The following CSMD3 variants were observed in gnomAD, a reference collection of about 807,000 sequenced individuals.
CSMD3 encodes the protein CUB and Sushi multiple domains 3, also known as CUB and sushi domain-containing protein 3.
In CSMD3, 177 loss-of-function variants were observed where a neutral mutation model predicts 435.2. The observed-to-expected ratio is 0.41, with a 90% CI of 0.36 to 0.46. The LOEUF (loss-of-function observed/expected upper bound fraction) is 0.46, where lower values mean the gene tolerates loss of function less well. Ranked by LOEUF, CSMD3 falls within the 20% of genes least tolerant of loss-of-function variation. CSMD3 has a pLI of 0.34. For synonymous variants in CSMD3, 1,656 were observed against 1,520.5 expected, an observed-to-expected ratio of 1.09 and a Z score of -2.07; for missense variants, 4,265 against 4,504.6, an observed-to-expected ratio of 0.95 and a Z score of 1.52.
intron 1 of CSMD3, among the ~76,000 whole-genome samples, chr8:113,427,486 TAA>T (rs56128600): frequency 1.2e-4 from 15 of 128,936 alleles, no homozygotes; most frequent in Admixed American, 1.6e-4. Flanking sequence ...CAATTATGTC[TAA>T]AAAAAAAAAA....
At chr8:113,203,849 T>C (rs1588269336) in intron 3 of CSMD3, among the ~76,000 whole-genome samples, 1 of 152,164 alleles carries the variant, frequency 6.6e-6, no homozygotes, top group Non-Finnish European at 1.5e-5. Flanking sequence ...AGTTTCACTC[T>C]TTAACAATGT....
chr8:113,027,512 T>G (rs1442784412), intron 5 of CSMD3, among the ~76,000 whole-genome samples: 1 of 152,136 alleles, frequency 6.6e-6, no homozygotes, highest in African/African-American at 2.4e-5. Context: ...GGTGTTTCCT[T>G]GTCATAGATG....
intron 36 of CSMD3, among the ~76,000 whole-genome samples, chr8:112,389,667 G>T (rs1830253688): frequency 6.6e-6 from 1 of 152,064 alleles, no homozygotes; most frequent in Non-Finnish European, 1.5e-5. Context: ...CATTATTAAT[G>T]CATGGCATCT....
chr8:113,153,778 T>A (rs766435508), intron 4 of CSMD3, among the ~76,000 whole-genome samples: 6 of 152,044 alleles, frequency 3.9e-5, no homozygotes, highest in Non-Finnish European at 7.4e-5. Flanking sequence ...TCAAAGCTAT[T>A]CTCTTTTGAC....
chr8:112,270,363 T>TGTGTGTGTGTGTGTGTTAGGGGTGA lies in CSMD3; in HGVS notation c.9509-4774_9509-4773insTCACCCCTAACACACACACACACAC, dbSNP rs1554623022. On this transcript the variant is annotated intron_variant, in intron 59 of 70. Transcript: ENST00000297405. ...GGGTGAGTGTGTGTGTGTGTGTGTG[T>TGTGTGTGTGTGTGTGTTAGGGGTGA]GTGTGTGTGTGTGTGTGTGTGTGTG... is the stretch of plus-strand genomic sequence containing the variant. Among the ~76,000 whole-genome samples, 375 of 139,632 alleles carry TGTGTGTGTGTGTGTGTTAGGGGTGA rather than the reference T, an allele frequency of 2.7e-3. 5 individuals are homozygous for TGTGTGTGTGTGTGTGTTAGGGGTGA. The highest frequency in any genetic ancestry group is 0.018 in the South Asian group (86 of 4,664). The allele number at this position is 139,632 out of a possible 152,430, so 91.6% of individuals were successfully genotyped here.
At chr8:112,932,177 G>C (rs925252676) in intron 9 of CSMD3, among the ~76,000 whole-genome samples, 1 of 152,184 alleles carries the variant, frequency 6.6e-6, no homozygotes, top group Admixed American at 6.5e-5. Flanking sequence ...CAATAGCTGA[G>C]ATATGAAATC....
intron 24 of CSMD3, among the ~76,000 whole-genome samples, chr8:112,567,738 T>C (rs1354614928): frequency 6.6e-6 from 1 of 152,120 alleles, no homozygotes; most frequent in African/African-American, 2.4e-5. Context: ...AATTCTGCTA[T>C]AGGATTATGG....
intron 35 of CSMD3, among the ~76,000 whole-genome samples, chr8:112,401,950 C>G (rs531439616): frequency 1.3e-5 from 2 of 152,254 alleles, no homozygotes; most frequent in East Asian, 3.9e-4. Flanking sequence ...TCAATAGTAT[C>G]AAACACTTGA....
chr8:113,434,877 T>C (rs1246475626), intron 1 of CSMD3, among the ~76,000 whole-genome samples: 1 of 152,028 alleles, frequency 6.6e-6, no homozygotes. Flanking sequence ...GAGACTTCCC[T>C]CCCCCTCATC....
At chr8:112,502,086 C>G (rs1822024356) in intron 30 of CSMD3, among the ~76,000 whole-genome samples, 1 of 152,110 alleles carries the variant, frequency 6.6e-6, no homozygotes, top group Non-Finnish European at 1.5e-5. Flanking sequence ...TGAAAAATGA[C>G]CTTGAATGCT....
At position 112,953,996 on chromosome 8, in the gene CSMD3, G is replaced by A. The variant is rs142824734; in HGVS notation, c.1420+688C>T. Among the ~76,000 whole-genome samples, 57 of 151,368 alleles carry A rather than the reference G, an allele frequency of 3.8e-4. 2 individuals carry two copies. In the East Asian group the frequency reaches 0.01, roughly 27 times the overall value. On this transcript the variant is annotated intron_variant, in intron 8 of 70. Transcript: ENST00000297405. ...GTATTGTTGACAATTTCCTAATTTT[G>A]ACTACAAAAATACATAGCTCTACTA...
chr8:112,556,749 T>C lies in CSMD3; in HGVS notation c.4234+14A>G. The C allele has an allele frequency of 6.3e-7, 1 of 1,589,510 alleles. No individual in the cohort carries two copies. The highest frequency in any genetic ancestry group is 8.6e-7 in the Non-Finnish European group (1 of 1,158,192). On this transcript the variant is annotated intron_variant, in intron 25 of 70. Transcript: ENST00000297405. Reference sequence around the variant, plus strand: ...CACAGAAATATTCAATGAAAATCTATGACAGTATCCTACCAATACAGGAAG... The same window carrying C: ...CACAGAAATATTCAATGAAAATCTACGACAGTATCCTACCAATACAGGAAG...
chr8:112,627,515 A>C (rs2131543462), intron 22 of CSMD3, among the ~76,000 whole-genome samples: 1 of 152,270 alleles, frequency 6.6e-6, no homozygotes, highest in Non-Finnish European at 1.5e-5. Flanking sequence ...ACTCTCTTTT[A>C]AAAAGTCTGT....
intron 22 of CSMD3, among the ~76,000 whole-genome samples, chr8:112,597,618 A>G (rs1216556772): frequency 5.8e-5 from 7 of 120,028 alleles, no homozygotes; most frequent in Non-Finnish European, 8.6e-5. Context: ...AAAATCCTCA[A>G]TAAAATACTG....
chr8:112,726,910 A>C (rs2076977798), intron 13 of CSMD3, among the ~76,000 whole-genome samples: 1 of 151,854 alleles, frequency 6.6e-6, no homozygotes, highest in Admixed American at 6.6e-5. Context: ...AACCAATGGG[A>C]ATATGATTCA....
chr8:112,289,655 C>T, intron 56 of CSMD3, 117 bp from the exon 57 acceptor site: 1 of 671,402 alleles, frequency 1.5e-6, no homozygotes. Flanking sequence ...TCTAAAGCCT[C>T]CAGAAATCAA....
chr8:112,673,516 A>G (rs2075704707), intron 16 of CSMD3, among the ~76,000 whole-genome samples: 1 of 152,170 alleles, frequency 6.6e-6, no homozygotes, highest in Non-Finnish European at 1.5e-5. Flanking sequence ...ATTGTTAGAT[A>G]TAAATATATA....
At chr8:112,888,444 T>C (rs2081675568) in intron 10 of CSMD3, among the ~76,000 whole-genome samples, 1 of 151,586 alleles carries the variant, frequency 6.6e-6, no homozygotes, top group Non-Finnish European at 1.5e-5. Flanking sequence ...CAAAGACTTA[T>C]GTGTGAAGGA....
chr8:112,839,175 T>C (rs1028303979), intron 11 of CSMD3, among the ~76,000 whole-genome samples: 1 of 151,830 alleles, frequency 6.6e-6, no homozygotes, highest in African/African-American at 2.4e-5. Flanking sequence ...CAAGGGCTCA[T>C]ATTTTAGAGA....
Sources: gnomAD v4.1 joint callset for allele counts (sites outside exome capture counted in the v4.1 genomes callset) on GRCh38, gnomAD v4.1.1 for gene constraint, MANE v1.5 for transcripts, NCBI Gene and HGNC (gene_info 2026-07-23, HGNC 2026-07-21) for gene names.